EP300: variants seen among roughly 807,000 people sequenced by gnomAD.
The protein encoded by EP300 is histone acetyltransferase p300.
A neutral mutation model predicts 264.0 loss-of-function variants in EP300; 31 were observed. The observed-to-expected ratio is 0.12, with a 90% CI of 0.09 to 0.16. EP300 has a LOEUF of 0.16. Among genes scored for constraint, EP300 ranks in the 10% least tolerant of loss-of-function variants. The pLI is 1.00. For missense variants in EP300, 2,766 were observed against 3,052.9 expected, an observed-to-expected ratio of 0.91 and a Z score of 2.21; for synonymous variants, 1,340 against 1,045.4, an observed-to-expected ratio of 1.28 and a Z score of -5.44.
At chr22:41,154,959 T>G in intron 16 of EP300, 36 bp from the exon 17 acceptor site, 2 of 1,379,000 alleles carry the variant, frequency 1.5e-6, no homozygotes, top group Non-Finnish European at 2.1e-6. Flanking sequence ...TCTGCTTAAT[T>G]GGTAACTAAT....
At chr22:41,176,045 C>T (rs1328911576) in intron 29 of EP300, 2 of 617,386 alleles carry the variant, frequency 3.2e-6, no homozygotes, top group Non-Finnish European at 5.7e-6. Context: ...CATGGCGAAG[C>T]CTCGTCTCTA....
intron 2 of EP300, among the ~76,000 whole-genome samples, chr22:41,125,484 T>G (rs560174407): frequency 1.3e-5 from 2 of 152,010 alleles, no homozygotes; most frequent in Non-Finnish European, 2.9e-5. Flanking sequence ...CAGGCTGTTG[T>G]CAAACTCCTG....
At chr22:41,116,758 A>G (rs936774809) in intron 1 of EP300, among the ~76,000 whole-genome samples, 13 of 152,342 alleles carry the variant, frequency 8.5e-5, no homozygotes, top group Non-Finnish European at 1.3e-4. Flanking sequence ...AAAAACTACC[A>G]TACAAATAGT....
intron 6 of EP300, 134 bp downstream of exon 6, chr22:41,131,767 A>T: frequency 7.6e-7 from 1 of 1,319,364 alleles, no homozygotes; most frequent in Non-Finnish European, 1.1e-6. Flanking sequence ...ATTACAGTGT[A>T]AAAGGTCCCT....
rs950068983 is a variant in EP300, at chr22:41,120,169, TGAG to T, written c.729+2350_729+2352del. 2.9e-4 allele frequency among the ~76,000 whole-genome samples: 44 copies of T among 152,204 alleles called. 1 individual carries two copies. Among genetic ancestry groups the T allele is most frequent in the Non-Finnish European group, 1.5e-5 (1 of 68,030 alleles). ...AGTACTTATATCAGTGTTTGACAAA[TGAG>T]GGAGCTTTAAATGTTTAATAAATTT... On this transcript the variant is annotated intron_variant, in intron 2 of 30. Transcript: ENST00000263253.
At chr22:41,154,622 A>G (rs1234935319) in intron 16 of EP300, among the ~76,000 whole-genome samples, 1 of 151,868 alleles carries the variant, frequency 6.6e-6, no homozygotes, top group African/African-American at 2.4e-5. Context: ...TGATCTGCCC[A>G]CCTCAGCCTC....
At chr22:41,152,478 G>A (rs1357986133) in intron 16 of EP300, 128 bp downstream of exon 16, 2 of 1,072,572 alleles carry the variant, frequency 1.9e-6, no homozygotes, top group South Asian at 1.5e-5. Context: ...GGAAGCCCTG[G>A]GCCTGGTCTC....
rs147198241 is a variant in EP300, at chr22:41,150,170, C to T, written c.2789C>T (p.Pro930Leu). 8.9e-5 allele frequency: 143 copies of T among 1,610,182 alleles called. 2 individuals are homozygous for T. The South Asian group carries it at 1.4e-3, about 15-fold the overall frequency. The change falls in exon 14 of 31, where the codon CCG becomes CTG. Residue 930 changes from proline (P) to leucine (L), a missense_variant. Coordinates refer to ENST00000263253, the MANE Select transcript of EP300 (RefSeq NM_001429.4). Reference sequence around the variant, plus strand: ...GCGTCTGTTCCTACCCCAACAGCACCGCTGCTTCCTCCGCAGCCTGCAACT... The same window carrying T: ...GCGTCTGTTCCTACCCCAACAGCACTGCTGCTTCCTCCGCAGCCTGCAACT... Reference protein sequence around the residue: ...TAASVPTPTAPLLPPQPATPL... With the variant: ...TAASVPTPTALLLPPQPATPL...
intron 16 of EP300, among the ~76,000 whole-genome samples, chr22:41,152,903 G>A (rs767416937): frequency 6.6e-6 from 1 of 151,964 alleles, no homozygotes; most frequent in Non-Finnish European, 1.5e-5. Context: ...GACTGCATGC[G>A]CATGCCACCA....
chr22:41,152,446 A>G (rs1290888060), intron 16 of EP300, 96 bp downstream of exon 16: 3 of 1,423,666 alleles, frequency 2.1e-6, no homozygotes, highest in African/African-American at 2.8e-5. Flanking sequence ...AGAAGTTGCC[A>G]TTATTGTGAT....
intron 1 of EP300, among the ~76,000 whole-genome samples, chr22:41,114,068 G>C (rs1376468304): frequency 6.6e-6 from 1 of 152,136 alleles, no homozygotes; most frequent in African/African-American, 2.4e-5. Context: ...TCTCAGTTTT[G>C]TAAATCACGT....
At chr22:41,122,392 C>T (rs1031098485) in intron 2 of EP300, among the ~76,000 whole-genome samples, 1 of 152,114 alleles carries the variant, frequency 6.6e-6, no homozygotes, top group African/African-American at 2.4e-5. Flanking sequence ...TTTCAAACTC[C>T]TGACCTCAGG....
At chr22:41,174,181 C>CA (rs1336337206) in intron 29 of EP300, among the ~76,000 whole-genome samples, 2 of 152,044 alleles carry the variant, frequency 1.3e-5, no homozygotes, top group Non-Finnish European at 2.9e-5. Context: ...CCTGTAATCC[C>CA]AGCACTTTGG....
chr22:41,143,119 A>G (rs545340641), intron 10 of EP300, among the ~76,000 whole-genome samples: 1 of 152,286 alleles, frequency 6.6e-6, no homozygotes, highest in South Asian at 2.1e-4. Flanking sequence ...TTGTAGAATG[A>G]GATTCTTACC....
At chr22:41,099,478 C>G (rs1416280108) in intron 1 of EP300, among the ~76,000 whole-genome samples, 1 of 152,222 alleles carries the variant, frequency 6.6e-6, no homozygotes. Context: ...GTCTTCCACA[C>G]ACAAATTTAA....
intron 1 of EP300, among the ~76,000 whole-genome samples, chr22:41,105,164 T>C (rs1446185758): frequency 9.3e-6 from 1 of 107,344 alleles, no homozygotes; most frequent in East Asian, 3.2e-4. Context: ...GCCACTGCAC[T>C]CCAGCCTAGG....
chr22:41,152,839 C>T (rs988716762), intron 16 of EP300, among the ~76,000 whole-genome samples: 3 of 152,096 alleles, frequency 2.0e-5, no homozygotes, highest in South Asian at 4.2e-4. Flanking sequence ...CTCACTGCAA[C>T]CTCCACCTCC....
intron 17 of EP300, 146 bp downstream of exon 17, chr22:41,155,259 A>G: frequency 1.3e-6 from 1 of 752,190 alleles, no homozygotes; most frequent in Non-Finnish European, 2.3e-6. Flanking sequence ...ACAGGGTCTT[A>G]TTCTGGTTGC....
Position 41,178,093 on chromosome 22 carries a change from C to T in EP300, c.6382C>T (p.Pro2128Ser), listed in dbSNP as rs768432479. Residue 2128 changes from proline (P) to serine (S), a missense_variant, in exon 31 of 31, where the codon CCA (proline) becomes TCA (serine). Coordinates refer to ENST00000263253, the MANE Select transcript of EP300 (RefSeq NM_001429.4). ...MPGQQGVHSN[P>S]AMQNMNPMQA... ...AGGTCAGCAGGGGGTCCACTCCAAT[C>T]CAGCCATGCAGAACATGAATCCAAT... is the stretch of plus-strand genomic sequence containing the variant. 1 of 1,614,138 alleles carries T rather than the reference C, an allele frequency of 6.2e-7. No homozygotes were observed. The highest frequency in any genetic ancestry group is 1.3e-5 in the African/African-American group (1 of 75,038).
Sources: gnomAD v4.1 joint callset for allele counts (sites outside exome capture counted in the v4.1 genomes callset) on GRCh38, gnomAD v4.1.1 for gene constraint, MANE v1.5 for transcripts, NCBI Gene and HGNC (gene_info 2026-07-23, HGNC 2026-07-21) for gene names.